The following ANK2 variants were observed in gnomAD, a reference collection of about 807,000 sequenced individuals.
ANK2 encodes ankyrin 2, also known as ankyrin-2.
In ANK2, 83 loss-of-function variants were observed where a neutral mutation model predicts 360.5. The ratio of observed to expected loss-of-function variants is 0.23; its 90% CI spans 0.19 to 0.28. The LOEUF is 0.28. ANK2 is among the 10% of genes least tolerant of loss of function. ANK2 has a pLI of 1.00. For missense variants in ANK2, 4,201 were observed against 4,795.7 expected, an observed-to-expected ratio of 0.88 and a Z score of 3.66; for synonymous variants, 1,740 against 1,759.5, an observed-to-expected ratio of 0.99 and a Z score of 0.28.
the ANK2 span, chr4:112,789,011 A>C: frequency 1.9e-6 from 1 of 537,988 alleles, no homozygotes; most frequent in South Asian, 3.1e-5. Context: ...TGTTTAGGGC[A>C]TGGATTCTAT....
chr4:113,312,422 A>G (rs1420577516), intron 24 of ANK2, among the ~76,000 whole-genome samples: 1 of 152,208 alleles, frequency 6.6e-6, no homozygotes, highest in African/African-American at 2.4e-5. Context: ...TAAGAAATAA[A>G]TACCTTAAAG....
chr4:112,864,850 T>C (rs999860083), intron 1 of ANK2, among the ~76,000 whole-genome samples: 2 of 148,940 alleles, frequency 1.3e-5, no homozygotes, highest in East Asian at 2.0e-4. Flanking sequence ...GGCTAACACG[T>C]TGAAACCCCG....
At chr4:113,327,617 A>G (rs2090649197) in intron 26 of ANK2, among the ~76,000 whole-genome samples, 2 of 152,220 alleles carry the variant, frequency 1.3e-5, no homozygotes, top group South Asian at 4.1e-4. Context: ...GGACACAGGA[A>G]GAAATATGGA....
At chr4:113,111,593 T>C (rs1174242645) in intron 1 of ANK2, among the ~76,000 whole-genome samples, 2 of 152,182 alleles carry the variant, frequency 1.3e-5, no homozygotes, top group Non-Finnish European at 2.9e-5. Context: ...GGGGAAGTTA[T>C]ATGTGTTTTA....
chr4:112,806,822 C>A, the ANK2 span, among the ~76,000 whole-genome samples: 1 of 152,034 alleles, frequency 6.6e-6, no homozygotes, highest in Non-Finnish European at 1.5e-5. Context: ...CAGAGTGAGA[C>A]CTTGTTTCAA....
At chr4:113,186,450 C>T (rs2098525394) in intron 2 of ANK2, among the ~76,000 whole-genome samples, 1 of 152,050 alleles carries the variant, frequency 6.6e-6, no homozygotes, top group Non-Finnish European at 1.5e-5. Context: ...GAAGAAAAAC[C>T]AGGGCAAAAA....
chr4:112,723,837 T>C, the ANK2 span, among the ~76,000 whole-genome samples: 2 of 151,982 alleles, frequency 1.3e-5, no homozygotes, highest in African/African-American at 4.8e-5. Context: ...TGACAACTAA[T>C]GAGAATGTGC....
intron 1 of ANK2, among the ~76,000 whole-genome samples, chr4:112,886,417 G>T (rs180899722): frequency 6.6e-6 from 1 of 151,878 alleles, no homozygotes; most frequent in Non-Finnish European, 1.5e-5. Context: ...GTAATCCCAG[G>T]ACTTAGGGAG....
At chr4:113,165,357 A>G (rs993552983) in intron 1 of ANK2, among the ~76,000 whole-genome samples, 1 of 152,190 alleles carries the variant, frequency 6.6e-6, no homozygotes, top group Non-Finnish European at 1.5e-5. Flanking sequence ...GAGCTGTAAG[A>G]TTTGATTATT....
intron 2 of ANK2, among the ~76,000 whole-genome samples, chr4:113,192,385 C>T (rs1205296312): frequency 6.6e-6 from 1 of 152,106 alleles, no homozygotes; most frequent in Non-Finnish European, 1.5e-5. Context: ...AAAGTTTCAC[C>T]AAAACCCCTC....
intron 1 of ANK2, among the ~76,000 whole-genome samples, chr4:113,172,698 CT>C (rs1311194606): frequency 3.3e-5 from 5 of 152,126 alleles, no homozygotes; most frequent in African/African-American, 1.2e-4. Flanking sequence ...TTTGGAAAAA[CT>C]TTATATACAG....
At chr4:112,829,203 T>C (rs1052232805) in intron 1 of ANK2, among the ~76,000 whole-genome samples, 4 of 152,140 alleles carry the variant, frequency 2.6e-5, no homozygotes, top group African/African-American at 9.7e-5. Flanking sequence ...AAAATGCAGT[T>C]TAAATCCAAT....
intron 1 of ANK2, among the ~76,000 whole-genome samples, chr4:113,100,351 T>C (rs1240833981): frequency 2.0e-5 from 3 of 152,120 alleles, no homozygotes; most frequent in Non-Finnish European, 4.4e-5. Context: ...GATATACAGA[T>C]GGCAAAAGAT....
chr4:112,965,298 T>G (rs759541195), intron 2 of ANK2, among the ~76,000 whole-genome samples: 1 of 152,338 alleles, frequency 6.6e-6, no homozygotes, highest in Non-Finnish European at 1.5e-5. Context: ...TTTGTATGTC[T>G]TCTTTTGAGA....
At chr4:112,817,743 C>T (rs2055801350), upstream of ANK2, among the ~76,000 whole-genome samples, 1 of 151,930 alleles carries the variant, frequency 6.6e-6, no homozygotes, top group African/African-American at 2.4e-5. Context: ...TAGATGAAAT[C>T]ACTCCCACGG....
At chr4:113,162,097 T>C (rs2097558757) in intron 1 of ANK2, among the ~76,000 whole-genome samples, 1 of 152,240 alleles carries the variant, frequency 6.6e-6, no homozygotes, top group Admixed American at 6.5e-5. Flanking sequence ...TCCCCTAAAT[T>C]ATTGATCTTT....
chr4:112,711,531 AAC>A, the ANK2 span, among the ~76,000 whole-genome samples: 1 of 151,936 alleles, frequency 6.6e-6, no homozygotes, highest in Non-Finnish European at 1.5e-5. Flanking sequence ...AGAAAAACAC[AAC>A]AGGCCGGGCA....
intron 1 of ANK2, among the ~76,000 whole-genome samples, chr4:112,849,379 C>T (rs12511494): frequency 6.6e-6 from 1 of 152,028 alleles, no homozygotes; most frequent in African/African-American, 2.4e-5. Context: ...TTGAAATTCT[C>T]TTTTTCTTTT....
At chr4:113,256,167 G>A (rs536417142) in intron 11 of ANK2, among the ~76,000 whole-genome samples, 198 of 152,290 alleles carry the variant, frequency 1.3e-3, no homozygotes, top group Non-Finnish European at 2.1e-3. Flanking sequence ...TGAAACTAGT[G>A]AGTTGCAAAC....
Sources: gnomAD v4.1 joint callset for allele counts (sites outside exome capture counted in the v4.1 genomes callset) on GRCh38, gnomAD v4.1.1 for gene constraint, MANE v1.5 for transcripts, NCBI Gene and HGNC (gene_info 2026-07-23, HGNC 2026-07-21) for gene names.